The following CCDC3 variants were observed in gnomAD, a reference collection of about 807,000 sequenced individuals.
CCDC3 encodes the protein coiled-coil domain-containing protein 3.
A neutral mutation model predicts 21.4 loss-of-function variants in CCDC3; 24 were observed. The observed-to-expected ratio is 1.12, with a 90% confidence interval of 0.81 to 1.58. CCDC3 has a LOEUF of 1.58. CCDC3 is among the 40% of genes most tolerant of loss of function. The pLI is 0.00. For missense variants in CCDC3, 425 were observed against 360.9 expected, an observed-to-expected ratio of 1.18 and a Z score of -1.44; for synonymous variants, 186 against 166.0, an observed-to-expected ratio of 1.12 and a Z score of -0.93.
At chr10:12,968,764 A>G (rs1835297933) in intron 2 of CCDC3, among the ~76,000 whole-genome samples, 1 of 152,196 alleles carries the variant, frequency 6.6e-6, no homozygotes, top group African/African-American at 2.4e-5. Context: ...CATGCAATCA[A>G]GGTTAAGTTA....
intron 2 of CCDC3, among the ~76,000 whole-genome samples, chr10:12,920,844 A>G (rs1031109070): frequency 6.6e-6 from 1 of 152,162 alleles, no homozygotes; most frequent in African/African-American, 2.4e-5. Context: ...GGTCTATCTC[A>G]AAAGGTAGCG....
chr10:12,988,701 C>A (rs1323565626), intron 2 of CCDC3, among the ~76,000 whole-genome samples: 1 of 152,174 alleles, frequency 6.6e-6, no homozygotes, highest in African/African-American at 2.4e-5. Context: ...TTCCTATGGA[C>A]TGATACATTC....
At chr10:13,088,884 C>T (rs186543117) in intron 3 of CCDC3, among the ~76,000 whole-genome samples, 114 of 151,964 alleles carry the variant, frequency 7.5e-4, no homozygotes, top group African/African-American at 2.4e-3. Flanking sequence ...GGTATGGTGG[C>T]GGGCACCTGT....
chr10:12,980,237 G>A (rs1835475647), intron 2 of CCDC3, among the ~76,000 whole-genome samples: 1 of 152,190 alleles, frequency 6.6e-6, no homozygotes, highest in Non-Finnish European at 1.5e-5. Context: ...GGGGAAGCAT[G>A]GCTCTGCCAG....
intron 3 of CCDC3, among the ~76,000 whole-genome samples, chr10:13,080,847 A>C (rs1277398621): frequency 6.6e-6 from 1 of 152,260 alleles, no homozygotes; most frequent in Non-Finnish European, 1.5e-5. Context: ...CAGAGGCCAG[A>C]CAGTGGGGGC....
At chr10:13,022,261 C>T (rs1012506737) in intron 5 of CCDC3, among the ~76,000 whole-genome samples, 15 of 152,044 alleles carry the variant, frequency 9.9e-5, no homozygotes, top group African/African-American at 3.6e-4. Flanking sequence ...CTTTTTTTCA[C>T]CCCTTCCACA....
chr10:12,986,904 T>C (rs902221328), intron 2 of CCDC3, among the ~76,000 whole-genome samples: 22 of 152,198 alleles, frequency 1.4e-4, no homozygotes, highest in Non-Finnish European at 1.6e-4. Context: ...AAACTTTCAT[T>C]TGATGGCAAA....
chr10:12,948,846 C>G (rs1267330926), intron 2 of CCDC3, among the ~76,000 whole-genome samples: 6 of 148,334 alleles, frequency 4.0e-5, no homozygotes, highest in Non-Finnish European at 7.4e-5. Flanking sequence ...ATTCTCCTGC[C>G]TCAGCCTCCC....
intron 2 of CCDC3, among the ~76,000 whole-genome samples, chr10:12,949,950 C>A (rs1834983535): frequency 6.6e-6 from 1 of 152,190 alleles, no homozygotes; most frequent in South Asian, 2.1e-4. Context: ...CATGTGGTAT[C>A]CATATCTGTG....
intron 2 of CCDC3, among the ~76,000 whole-genome samples, chr10:12,925,768 C>G (rs1178487957): frequency 6.6e-6 from 1 of 152,244 alleles, no homozygotes; most frequent in Non-Finnish European, 1.5e-5. Context: ...TCTCACATTA[C>G]ATTTTCCCCA....
chr10:13,087,331 G>A lies in CCDC3; in HGVS notation c.-503+11194C>T, dbSNP rs112947408. The stretch of plus-strand genomic sequence containing the variant: ...AGGCAGGAGAATTGCTTGAACCCAG[G>A]AGGTAGAGGTTGCGGTGAGCTGAGA... On this transcript the variant is annotated intron_variant, in intron 3 of 6. Coordinates refer to the CCDC3 transcript ENST00000378839. 7.2e-3 allele frequency among the ~76,000 whole-genome samples: 1,089 copies of A among 151,694 alleles called. 13 individuals carry two copies. The highest frequency in any genetic ancestry group is 0.025 in the African/African-American group (1,020 of 41,330).
rs562562167 is a variant in CCDC3, at chr10:13,049,169, G to C, written c.-2+505C>G. 4.6e-5 allele frequency among the ~76,000 whole-genome samples: 7 copies of C among 152,254 alleles called. No homozygotes were observed. In the South Asian group the frequency reaches 1.5e-3, roughly 32 times the overall value. The stretch of plus-strand genomic sequence containing the variant: ...TTTTCATCAAGAAGACTGCACATTA[G>C]AGATTAGTCAATATTCTATGCACAA... On this transcript the variant is annotated intron_variant, in intron 5 of 6. Transcript: ENST00000378839.
At chr10:13,076,850 T>C (rs1332131111) in intron 3 of CCDC3, among the ~76,000 whole-genome samples, 1 of 152,202 alleles carries the variant, frequency 6.6e-6, no homozygotes, top group African/African-American at 2.4e-5. Flanking sequence ...TCAGTTTATA[T>C]TGTGAGGTCT....
At chr10:13,022,379 T>C (rs1021975020) in intron 5 of CCDC3, among the ~76,000 whole-genome samples, 1 of 152,146 alleles carries the variant, frequency 6.6e-6, no homozygotes, top group East Asian at 1.9e-4. Context: ...TGCCAAAATT[T>C]TGATTCAGGG....
At chr10:12,984,517 C>T (rs1456933069) in intron 2 of CCDC3, among the ~76,000 whole-genome samples, 1 of 152,226 alleles carries the variant, frequency 6.6e-6, no homozygotes, top group African/African-American at 2.4e-5. Flanking sequence ...AAAGGCTAAA[C>T]ATAGTTACCA....
intron 2 of CCDC3, among the ~76,000 whole-genome samples, chr10:12,905,189 C>G (rs1834151507): frequency 6.6e-6 from 1 of 152,126 alleles, no homozygotes; most frequent in Non-Finnish European, 1.5e-5. Context: ...AAAAGAAAAC[C>G]CAGAGCAGTG....
chr10:12,909,829 G>A (rs1037880796), intron 2 of CCDC3, among the ~76,000 whole-genome samples: 10 of 152,138 alleles, frequency 6.6e-5, no homozygotes, highest in African/African-American at 2.4e-4. Context: ...GGTTTCCATG[G>A]GGTACTTTTC....
intron 4 of CCDC3, among the ~76,000 whole-genome samples, chr10:13,054,022 G>A (rs1400848004): frequency 6.6e-6 from 1 of 152,022 alleles, no homozygotes; most frequent in Non-Finnish European, 1.5e-5. Flanking sequence ...GTGCATGCCT[G>A]TAATCCCAGC....
chr10:12,951,873 G>C (rs1835014284), intron 2 of CCDC3, among the ~76,000 whole-genome samples: 1 of 146,162 alleles, frequency 6.8e-6, no homozygotes, highest in Admixed American at 6.8e-5. Flanking sequence ...GGAAGCCACT[G>C]ATTTCATACA....
Sources: gnomAD v4.1 joint callset for allele counts (sites outside exome capture counted in the v4.1 genomes callset) on GRCh38, gnomAD v4.1.1 for gene constraint, MANE v1.5 for transcripts, NCBI Gene and HGNC (gene_info 2026-07-23, HGNC 2026-07-21) for gene names.